The following VWF variants were observed in gnomAD, a reference collection of about 807,000 sequenced individuals.
VWF encodes von Willebrand factor, also known as Factor VIII related antigen.
VWF carries 176 observed loss-of-function variants against 308.6 expected under a neutral mutation model. That is an observed-to-expected ratio of 0.57 (90% CI 0.50 to 0.65). VWF has a LOEUF of 0.65. Among genes scored for constraint, VWF ranks in the 30% least tolerant of loss-of-function variants. The pLI, the probability that VWF is intolerant of heterozygous loss-of-function variation, is 0.00. For missense variants in VWF, 3,146 were observed against 3,648.2 expected (o/e 0.86, Z 3.55); for synonymous variants, 1,385 against 1,443.4 (o/e 0.96, Z 0.92).
intron 50 of VWF, among the ~76,000 whole-genome samples, chr12:5,951,313 G>C (rs143986363): frequency 1.3e-5 from 2 of 152,154 alleles, no homozygotes; most frequent in Non-Finnish European, 2.9e-5. Context: ...TGAAGAAGAG[G>C]GGGTGATAAA....
intron 15 of VWF, 23 bp from the exon 16 acceptor site, chr12:6,052,806 G>A: frequency 7.9e-7 from 1 of 1,268,936 alleles, no homozygotes; most frequent in South Asian, 1.3e-5. Flanking sequence ...GGAGAAGTAA[G>A]GCCTCAGCGG....
intron 18 of VWF, 71 bp downstream of exon 18, chr12:6,044,220 C>T (rs71582893): frequency 1.3e-5 from 20 of 1,587,428 alleles, no homozygotes; most frequent in Non-Finnish European, 1.5e-5. Flanking sequence ...TCTGGCTGCA[C>T]AGCCCCCTCA....
intron 45 of VWF, among the ~76,000 whole-genome samples, chr12:5,968,572 G>T (rs1227320596): frequency 6.6e-6 from 1 of 152,188 alleles, no homozygotes. Context: ...GAGGTGGGCA[G>T]ATCACTTGAG....
At chr12:5,985,756 AG>A in intron 38 of VWF, 91 bp from the exon 39 acceptor site, 1 of 1,241,104 alleles carries the variant, frequency 8.1e-7, no homozygotes, top group Non-Finnish European at 1.2e-6. Context: ...GCCTCCGGCA[AG>A]GGCCAGTCCC....
At chr12:6,073,767 A>G in intron 7 of VWF, 26 bp from the exon 8 acceptor site, 1 of 1,613,310 alleles carries the variant, frequency 6.2e-7, no homozygotes, top group African/African-American at 1.3e-5. Flanking sequence ...AAAGGGGTCT[A>G]CCCAGGGCAG....
chr12:6,058,723 G>C lies in VWF; in HGVS notation c.1534-679C>G, dbSNP rs568112618. ...GCAGAGGCTCTGAGGCAGCCTGCCA[G>C]GGTGACAGCAGCAAAGCAGCGGCAC... On this transcript the variant is annotated intron_variant, in intron 13 of 51. Coordinates refer to ENST00000261405, the MANE Select transcript of VWF (RefSeq NM_000552.5). The surrounding 1 kb of genome is among the most constrained non-coding windows in gnomAD (Gnocchi z 4.9). 6.6e-6 allele frequency among the ~76,000 whole-genome samples: 1 copy of C among 152,184 alleles called. No individual in the cohort carries two copies. The highest frequency in any genetic ancestry group is 1.5e-5 in the Non-Finnish European group (1 of 68,030).
At chr12:5,995,911 G>A (rs1007557344) in intron 35 of VWF, 91 bp downstream of exon 35, 237 of 1,216,414 alleles carry the variant, frequency 1.9e-4, no homozygotes, top group Non-Finnish European at 2.6e-4. Context: ...CTCCTAACAA[G>A]AGCATCAACT....
rs1204590257 is a variant in VWF at position 6,103,385 on chromosome 12, CGT to C, written c.532+6987_532+6988del. On this transcript the variant is annotated intron_variant, in intron 5 of 51. Transcript: ENST00000261405. Reference sequence around the variant, plus strand: ...ATATATATGTGTGTGTGTGTATACACGTGTGTGTATACACGTGTGTGTATACA... The same window carrying C: ...ATATATATGTGTGTGTGTGTATACACGTGTGTATACACGTGTGTGTATACA... Among the ~76,000 whole-genome samples the C allele has an allele frequency of 8.3e-4, 95 of 114,350 alleles. 4 individuals are homozygous for C. Among genetic ancestry groups the C allele is most frequent in the African/African-American group, 3.7e-3 (71 of 19,094 alleles). 75.0% of individuals were successfully genotyped at this position (114,350 alleles called of 152,430 possible).
At chr12:5,961,752 T>C (rs1014746983) in intron 47 of VWF, among the ~76,000 whole-genome samples, 1 of 152,054 alleles carries the variant, frequency 6.6e-6, no homozygotes, top group Non-Finnish European at 1.5e-5. Flanking sequence ...CTTTAAATAC[T>C]AGGTAATAAG....
intron 18 of VWF, among the ~76,000 whole-genome samples, chr12:6,036,909 C>A (rs939026757): frequency 1.3e-5 from 2 of 151,930 alleles, no homozygotes; most frequent in Non-Finnish European, 2.9e-5. Context: ...GAATTATGGA[C>A]AAAGATTGAT....
In VWF at chr12:6,075,564, G is replaced by A. The variant is rs202246052; in HGVS notation, c.658-13C>T. On this transcript the variant is annotated splice_polypyrimidine_tract_variant and intron_variant, in intron 6 of 51. Coordinates refer to ENST00000261405, the MANE Select transcript of VWF (RefSeq NM_000552.5). The surrounding 1 kb of genome is among the most constrained non-coding windows in gnomAD (Gnocchi z 4.7). ...GCTCCCACAGGCCCTGCAGGAAGAG[G>A]GGCCGCCTCAGCGGTATGCTCCGTT... 1.9e-6 allele frequency: 3 copies of A among 1,611,228 alleles called. No individual in the cohort carries two copies. Among genetic ancestry groups the A allele is most frequent in the East Asian group, 2.2e-5 (1 of 44,696 alleles).
At chr12:6,071,997 C>T (rs1019158505) in intron 9 of VWF, among the ~76,000 whole-genome samples, 14 of 152,156 alleles carry the variant, frequency 9.2e-5, no homozygotes, top group Admixed American at 2.0e-4. Flanking sequence ...GAAGGACCTA[C>T]GTACTGCTTA....
rs1462644471 is a variant in VWF at position 6,110,242 on chromosome 12, T to C, written c.532+132A>G. 31 of 967,912 alleles carry C rather than the reference T, an allele frequency of 3.2e-5. 1 individual carries two copies. In the East Asian group the frequency reaches 6.5e-4, roughly 20 times the overall value. The allele number at this position is 967,912 out of a possible 1,614,324, so 60.0% of individuals were successfully genotyped here. A position where few individuals can be genotyped will look rare whatever the true frequency, so the allele number is the denominator to read the frequency against. On this transcript the variant is annotated intron_variant, in intron 5 of 51. Coordinates refer to ENST00000261405, the MANE Select transcript of VWF (RefSeq NM_000552.5). ...TGGAATGGAATGCAAAGAGATAAGGTTGGCAACATAAATTGAGGTGAGGTC... is the reference window on the plus strand; with the variant it reads ...TGGAATGGAATGCAAAGAGATAAGGCTGGCAACATAAATTGAGGTGAGGTC...
intron 16 of VWF, among the ~76,000 whole-genome samples, chr12:6,048,437 A>G (rs1276929069): frequency 6.6e-6 from 1 of 151,816 alleles, no homozygotes; most frequent in Admixed American, 6.6e-5. Flanking sequence ...CAGTGCTGGG[A>G]TTACAGGCGT....
At chr12:6,045,052 C>T (rs2136441209) in intron 17 of VWF, among the ~76,000 whole-genome samples, 1 of 152,354 alleles carries the variant, frequency 6.6e-6, no homozygotes, top group East Asian at 1.9e-4. Flanking sequence ...TACTACACAT[C>T]TCACTTACTT....
chr12:6,021,940 C>T lies in VWF; in HGVS notation c.3634G>A (p.Val1212Ile). The change falls in exon 27 of 52, where the codon GTC becomes ATC. Residue 1212 changes from valine to isoleucine, a missense_variant. Val to Ile is a conservative substitution (Grantham distance 29). Around this residue, in one of 3 missense-constraint regions of VWF, gnomAD observed 853 missense variants for 1,177.8 expected, o/e 0.72. Coordinates refer to ENST00000261405, the MANE Select transcript of VWF (RefSeq NM_000552.5). ...TCAGGGTCACTGGGATTCAAGGTGA[C>T]TTTCTTTCCTGAGGCAAAACGCCGG... ...AGRRFASGKK[V>I]TLNPSDPEHC... 1.2e-6 allele frequency: 2 copies of T among 1,614,182 alleles called. No homozygotes were observed. Among genetic ancestry groups the T allele is most frequent in the Non-Finnish European group, 1.7e-6 (2 of 1,180,032 alleles).
At chr12:6,073,478 G>T in intron 8 of VWF, 141 bp downstream of exon 8, 2 of 1,195,196 alleles carry the variant, frequency 1.7e-6, no homozygotes, top group South Asian at 1.3e-5. Context: ...TGATCACGCT[G>T]GACAAAGACA....
chr12:6,037,916 G>C (rs1356131941), intron 18 of VWF, among the ~76,000 whole-genome samples: 1 of 152,210 alleles, frequency 6.6e-6, no homozygotes, highest in Non-Finnish European at 1.5e-5. Flanking sequence ...GGGCGGTTGG[G>C]GGGAGGGAAA....
chr12:5,981,295 G>C (rs1943602588), intron 42 of VWF, among the ~76,000 whole-genome samples: 1 of 152,176 alleles, frequency 6.6e-6, no homozygotes. Flanking sequence ...TCGTGAGGCA[G>C]AGGTGGGAGG....
Sources: allele counts gnomAD v4.1 joint callset (sites outside exome capture counted in the v4.1 genomes callset), GRCh38; gene constraint gnomAD v4.1.1; regional missense constraint gnomAD v4.1.1; non-coding constraint Gnocchi (gnomAD v3.1); transcripts MANE v1.5; gene names NCBI Gene and HGNC (gene_info 2026-07-23, HGNC 2026-07-21).